RASAL3: variants seen among roughly 807,000 people sequenced by gnomAD.
RASAL3 encodes RAS protein activator like-3.
RASAL3 carries 74 observed loss-of-function variants against 105.5 expected under a neutral mutation model. The ratio of observed to expected loss-of-function variants is 0.70; its 90% CI spans 0.58 to 0.85. The LOEUF (loss-of-function observed/expected upper bound fraction) is 0.85. Among genes scored for constraint, RASAL3 ranks in the 40% least tolerant of loss-of-function variants. RASAL3 has a pLI of 0.00. For synonymous variants in RASAL3, 579 were observed against 591.6 expected, an observed-to-expected ratio of 0.98 and a Z score of 0.31; for missense variants, 1,352 against 1,392.0, an observed-to-expected ratio of 0.97 and a Z score of 0.46.
intron 6 of RASAL3, among the ~76,000 whole-genome samples, chr19:15,459,792 C>T (rs1448110666): frequency 6.6e-6 from 1 of 152,164 alleles, no homozygotes; most frequent in African/African-American, 2.4e-5. Context: ...CCACTTTGGC[C>T]TCCCAAAGTG....
intron 6 of RASAL3, among the ~76,000 whole-genome samples, chr19:15,459,747 G>A (rs796410963): frequency 2.0e-5 from 3 of 152,252 alleles, no homozygotes; most frequent in African/African-American, 7.2e-5. Context: ...ATGTTGCCCA[G>A]GCTGGTCTCG....
chr19:15,456,035 C>A lies in RASAL3; in HGVS notation c.1721+69G>T. The A allele has an allele frequency of 7.1e-6, 11 of 1,550,786 alleles. No individual in the cohort carries two copies. The highest frequency in any genetic ancestry group is 9.7e-6 in the Non-Finnish European group (11 of 1,137,152). On this transcript the variant is annotated intron_variant, in intron 11 of 17. Transcript: ENST00000343625. The surrounding 1 kb of genome is among the most constrained non-coding windows in gnomAD (Gnocchi z 4.4). ...TGTCTCCTGTATTTTATCTGGCCAC[C>A]CTAAACTGGAGGTCGGGGCTAGCAT...
rs1278071291 is a variant in RASAL3 at position 15,456,142 on chromosome 19, G to C, written c.1683C>G (p.Ser561Arg). The C allele has an allele frequency of 6.2e-7, 1 of 1,613,870 alleles. No individual in the cohort carries two copies. Among genetic ancestry groups the C allele is most frequent in the Non-Finnish European group, 8.5e-7 (1 of 1,179,836 alleles). ...LPEHQARLRNSCEEVFETIIH... is the reference protein window; with the variant it reads ...LPEHQARLRNRCEEVFETIIH... The stretch of plus-strand genomic sequence containing the variant: ...TAATGGTTTCGAAGACCTCCTCGCA[G>C]CTGTTCCGAAGTCTGGCCTGGTGCT... Residue 561 changes from serine to arginine, a missense_variant, in exon 11 of 18, where the codon AGC becomes AGG. Physicochemically the swap from Ser to Arg is moderately radical, Grantham distance 110. This residue lies in a region of RASAL3 where 920 missense variants were observed against 919.6 expected (regional missense o/e 1.00). Transcript: ENST00000343625. The surrounding 1 kb of genome is among the most constrained non-coding windows in gnomAD (Gnocchi z 4.4).
chr19:15,452,187 T>C, intron 16 of RASAL3, 79 bp from the exon 17 acceptor site: 1 of 1,458,518 alleles, frequency 6.9e-7, no homozygotes, highest in Non-Finnish European at 9.6e-7. Context: ...TGCCAGGGAC[T>C]CCGGGGGCGG....
In RASAL3 at chr19:15,456,708, C is replaced by A; in HGVS notation, c.1432-62G>T. ...GACAGAGTCCAAGGGAATTCGGATC[C>A]TTGGCTGGTCCCTCACACCAGAGGC... On this transcript the variant is annotated intron_variant, in intron 9 of 17. Coordinates refer to ENST00000343625, the MANE Select transcript of RASAL3 (RefSeq NM_022904.3). This position sits in a 1 kb window ranked among gnomAD's most constrained non-coding sequence, Gnocchi z 4.4. The A allele has an allele frequency of 6.4e-7, 1 of 1,561,448 alleles. No homozygotes were observed. The highest frequency in any genetic ancestry group is 1.2e-5 in the South Asian group (1 of 86,266).
intron 11 of RASAL3, 120 bp from the exon 12 acceptor site, chr19:15,455,013 T>G (rs1970275859): frequency 1.3e-6 from 1 of 745,338 alleles, no homozygotes; most frequent in Non-Finnish European, 2.1e-6. Context: ...CAGAGAGCTA[T>G]TCATGAAGCC....
Position 15,464,168 on chromosome 19 carries a change from C to T in RASAL3, c.191G>A (p.Arg64His). ...AGATAGGACCCGACGGAATATCGAG[C>T]GAGGGGCTGGCTGGGTGCTGACCAT... is the stretch of plus-strand genomic sequence containing the variant. ...EPMVSTQPAP[R>H]SIFRRVLSAP... The change falls in exon 2 of 18, where the codon CGC becomes CAC. Residue 64 changes from arginine (R) to histidine (H), a missense_variant. Coordinates refer to ENST00000343625, the MANE Select transcript of RASAL3 (RefSeq NM_022904.3). The T allele has an allele frequency of 1.2e-6, 2 of 1,613,208 alleles. No individual in the cohort carries two copies. Among genetic ancestry groups the T allele is most frequent in the East Asian group, 2.2e-5 (1 of 44,856 alleles).
chr19:15,452,121 G>C lies in RASAL3; in HGVS notation c.2829-13C>G. On this transcript the variant is annotated splice_polypyrimidine_tract_variant and intron_variant, in intron 16 of 17. Coordinates refer to ENST00000343625, the MANE Select transcript of RASAL3 (RefSeq NM_022904.3). ...AAACTCTGAGCTCCTGTGGGGGTCG[G>C]GGGATTGGGGCGAAGGGCAGAGGCT... 6.2e-7 allele frequency: 1 copy of C among 1,613,796 alleles called. No homozygotes were observed. Among genetic ancestry groups the C allele is most frequent in the South Asian group, 1.1e-5 (1 of 91,064 alleles).
At position 15,456,241 on chromosome 19, in the gene RASAL3, A is replaced by C. The variant is rs781602244; in HGVS notation, c.1584T>G (p.Val528=). 24 of 1,613,502 alleles carry C rather than the reference A, an allele frequency of 1.5e-5. No individual in the cohort carries two copies. In the African/African-American group the frequency reaches 3.1e-4, roughly 21 times the overall value. Residue 528 remains valine, a synonymous_variant, in exon 11 of 18, where the codon GTT becomes GTG. Coordinates refer to ENST00000343625, the MANE Select transcript of RASAL3 (RefSeq NM_022904.3). The surrounding 1 kb of genome is among the most constrained non-coding windows in gnomAD (Gnocchi z 4.4). ...CAGTAGAAGCACAGAGACGCCGCAC[A>C]ACCTGTCCTGCAGCCCAGCACAGCC... ...QDYLQETLGQ[V]VRRLCASTED...
rs529715329 is a variant in RASAL3, at chr19:15,458,309, C to T, written c.888+19G>A. On this transcript the variant is annotated intron_variant, in intron 8 of 17. Transcript: ENST00000343625. ...CTGTGGGCGGGGTCTCCGTGTCCCGCTTTTCTGAGGGCAATGACCTGGGTG... is the reference window on the plus strand; with the variant it reads ...CTGTGGGCGGGGTCTCCGTGTCCCGTTTTTCTGAGGGCAATGACCTGGGTG... 6 of 1,609,796 alleles carry T rather than the reference C, an allele frequency of 3.7e-6. No homozygotes were observed. Among genetic ancestry groups the T allele is most frequent in the Admixed American group, 3.4e-5 (2 of 59,396 alleles).
rs987243350 is a variant in RASAL3, at chr19:15,461,578, G to A, written c.358C>T (p.Pro120Ser). 2.6e-6 allele frequency: 4 copies of A among 1,533,164 alleles called. No homozygotes were observed. In the African/African-American group the frequency reaches 4.2e-5, roughly 16 times the overall value. The allele number at this position is 1,533,164 out of a possible 1,614,324, so 95.0% of individuals were successfully genotyped here. A position where few individuals can be genotyped will look rare whatever the true frequency, so the allele number is the denominator to read the frequency against. ...ELEPEPELEP[P>S]TPQIPEAPTP... ...GGGGCCTCAGGGATCTGTGGGGTAG[G>A]GGGCTCCAGCTCTGGCTCCGGCTCC... The change falls in exon 3 of 18, where the codon CCT becomes TCT. Residue 120 changes from proline to serine, a missense_variant. Pro to Ser is a moderately conservative substitution (Grantham distance 74). Around this residue, in one of 3 missense-constraint regions of RASAL3, gnomAD observed 344 missense variants for 339.6 expected, o/e 1.01. Coordinates refer to ENST00000343625, the MANE Select transcript of RASAL3 (RefSeq NM_022904.3).
In RASAL3 at chr19:15,457,263, C is replaced by A; in HGVS notation, c.1431+29G>T. On this transcript the variant is annotated intron_variant, in intron 9 of 17. Transcript: ENST00000343625. The surrounding 1 kb of genome is among the most constrained non-coding windows in gnomAD (Gnocchi z 8.6). ...CGCGTTATCGGTCTACCCCTGGTAGCCCCGGTCCGCGCTGTCGCGGTGCCG... is the reference window on the plus strand; with the variant it reads ...CGCGTTATCGGTCTACCCCTGGTAGACCCGGTCCGCGCTGTCGCGGTGCCG... 4.8e-6 allele frequency: 6 copies of A among 1,250,226 alleles called. No homozygotes were observed. The highest frequency in any genetic ancestry group is 6.0e-6 in the Non-Finnish European group (6 of 995,838). 77.4% of individuals were successfully genotyped at this position (1,250,226 alleles called of 1,614,324 possible). A position where few individuals can be genotyped will look rare whatever the true frequency, so the allele number is the denominator to read the frequency against.
intron 1 of RASAL3, 26 bp downstream of exon 1, chr19:15,464,479 G>T (rs1229728844): frequency 3.1e-6 from 3 of 977,926 alleles, no homozygotes; most frequent in Non-Finnish European, 4.5e-6. Flanking sequence ...GAATCCCCCT[G>T]CCCCCACCTC....
In RASAL3 at chr19:15,451,764, A is replaced by G. The variant is rs996406392; in HGVS notation, c.*31T>C. ...CTAAGATGGCTATCTCTCTGCTCCC[A>G]GACCACGTGTGATGAGGCAGGATGG... is the stretch of plus-strand genomic sequence containing the variant. On this transcript the variant is annotated 3_prime_UTR_variant, in exon 18 of 18. Coordinates refer to ENST00000343625, the MANE Select transcript of RASAL3 (RefSeq NM_022904.3). 2 of 1,568,984 alleles carry G rather than the reference A, an allele frequency of 1.3e-6. No homozygotes were observed. The highest frequency in any genetic ancestry group is 2.7e-5 in the African/African-American group (2 of 74,008).
At position 15,456,579 on chromosome 19, in the gene RASAL3, C is replaced by A; in HGVS notation, c.1499G>T (p.Arg500Leu). Reference protein sequence around the residue: ...RCGGREALLFRENTLATKAID... With the variant: ...RCGGREALLFLENTLATKAID... ...AGCCTTGGTGGCCAATGTGTTTTCCCGGAACAGCAGCGCCTCACGGCCTCC... is the reference window on the plus strand; with the variant it reads ...AGCCTTGGTGGCCAATGTGTTTTCCAGGAACAGCAGCGCCTCACGGCCTCC... The change falls in exon 10 of 18, where the codon CGG becomes CTG. Residue 500 changes from arginine to leucine, a missense_variant. This residue lies in a region of RASAL3 where 920 missense variants were observed against 919.6 expected (regional missense o/e 1.00). Coordinates refer to ENST00000343625, the MANE Select transcript of RASAL3 (RefSeq NM_022904.3). The surrounding 1 kb of genome is among the most constrained non-coding windows in gnomAD (Gnocchi z 4.4). 6.2e-7 allele frequency: 1 copy of A among 1,613,674 alleles called. No homozygotes were observed. Among genetic ancestry groups the A allele is most frequent in the Non-Finnish European group, 8.5e-7 (1 of 1,179,786 alleles).
intron 4 of RASAL3, 40 bp downstream of exon 4, chr19:15,461,178 C>T: frequency 2.5e-6 from 4 of 1,613,304 alleles, no homozygotes; most frequent in Non-Finnish European, 3.4e-6. Flanking sequence ...ACTTTTAGAG[C>T]CTCCCAAATG....
intron 16 of RASAL3, 159 bp downstream of exon 16, chr19:15,452,499 G>A (rs1003907228): frequency 5.7e-6 from 4 of 696,704 alleles, no homozygotes; most frequent in Middle Eastern, 4.1e-4. Flanking sequence ...TGGGGGCGGG[G>A]CTTGCCAAGA....
intron 2 of RASAL3, 129 bp downstream of exon 2, chr19:15,463,902 G>C (rs1970586892): frequency 1.2e-6 from 1 of 836,726 alleles, no homozygotes; most frequent in African/African-American, 1.7e-5. Context: ...GGGCCCCAGC[G>C]GCTTCCTGCT....
At position 15,454,907 on chromosome 19, in the gene RASAL3, G is replaced by A. The variant is rs1462574744; in HGVS notation, c.1722-14C>T. ...GCAGGGAACCAGCTGGTGCAGAAGAGGCAATGAATGGTCAGACGGGGAGGC... is the reference window on the plus strand; with the variant it reads ...GCAGGGAACCAGCTGGTGCAGAAGAAGCAATGAATGGTCAGACGGGGAGGC... On this transcript the variant is annotated splice_polypyrimidine_tract_variant and intron_variant, in intron 11 of 17. Transcript: ENST00000343625. 7.2e-6 allele frequency: 11 copies of A among 1,532,926 alleles called. No individual in the cohort carries two copies. In the East Asian group the frequency reaches 1.2e-4, roughly 17 times the overall value. 95.0% of individuals were successfully genotyped at this position (1,532,926 alleles called of 1,614,324 possible).
Sources: gnomAD v4.1 joint callset for allele counts (sites outside exome capture counted in the v4.1 genomes callset) on GRCh38, gnomAD v4.1.1 for gene constraint, gnomAD v4.1.1 regional missense constraint, Gnocchi (gnomAD v3.1) non-coding constraint, MANE v1.5 for transcripts, NCBI Gene and HGNC (gene_info 2026-07-23, HGNC 2026-07-21) for gene names.